The following AMD1 variants were observed in gnomAD, a reference collection of about 807,000 sequenced individuals.
AMD1 encodes S-adenosylmethionine decarboxylase proenzyme.
A neutral mutation model predicts 40.2 loss-of-function variants in AMD1; 11 were observed. That is an observed-to-expected ratio of 0.27 (90% CI 0.17 to 0.45). The LOEUF is 0.45. Among genes scored for constraint, AMD1 ranks in the 20% least tolerant of loss-of-function variants. The pLI is 1.00. For synonymous variants in AMD1, 121 were observed against 130.8 expected (o/e 0.93, Z 0.51); for missense variants, 257 against 410.2 (o/e 0.63, Z 3.23).
At chr6:110,837,745 A>AATATATATATATATATATATAT in the AMD1 span, among the ~76,000 whole-genome samples, 5 of 17,838 alleles carry the variant, frequency 2.8e-4, no homozygotes, top group Non-Finnish European at 4.8e-4. Flanking sequence ...AAAAAAAAAA[A>AATATATATATATATATATATAT]ATATATATAT....
chr6:110,865,434 C>T, the AMD1 span, among the ~76,000 whole-genome samples: 1 of 152,196 alleles, frequency 6.6e-6, no homozygotes, highest in Non-Finnish European at 1.5e-5. Context: ...CACTCTGTCA[C>T]CCAGTCTGAA....
At chr6:110,833,144 G>A in the AMD1 span, among the ~76,000 whole-genome samples, 1 of 152,116 alleles carries the variant, frequency 6.6e-6, no homozygotes, top group Non-Finnish European at 1.5e-5. Flanking sequence ...TTAACCAGAA[G>A]CAAGAATCAC....
intron 2 of AMD1, 124 bp from the exon 3 acceptor site, chr6:110,888,729 ACTTG>A: frequency 1.1e-6 from 1 of 874,198 alleles, no homozygotes; most frequent in Non-Finnish European, 1.7e-6. Context: ...ATAATGTGTT[ACTTG>A]CTTCCTTGAG....
the AMD1 span, among the ~76,000 whole-genome samples, chr6:110,834,295 C>T: frequency 2.0e-5 from 3 of 152,024 alleles, no homozygotes; most frequent in Admixed American, 6.6e-5. Flanking sequence ...ACTATGATCA[C>T]GCCACTGCAC....
At chr6:110,835,250 C>A in the AMD1 span, among the ~76,000 whole-genome samples, 3 of 151,404 alleles carry the variant, frequency 2.0e-5, no homozygotes, top group Admixed American at 2.0e-4. Context: ...AATCTCCTGA[C>A]CTCGTGATCC....
intron 1 of AMD1, among the ~76,000 whole-genome samples, chr6:110,883,899 AT>A (rs1785544712): frequency 1.3e-5 from 2 of 152,038 alleles, no homozygotes; most frequent in Admixed American, 6.6e-5. Context: ...CCAAAGCCCT[AT>A]TTTTATAGGT....
At chr6:110,857,255 C>T in the AMD1 span, among the ~76,000 whole-genome samples, 14 of 151,966 alleles carry the variant, frequency 9.2e-5, no homozygotes, top group East Asian at 2.3e-3. Context: ...TCACTATAGC[C>T]GGGCACAGTG....
chr6:110,856,004 T>C, the AMD1 span, among the ~76,000 whole-genome samples: 2 of 152,216 alleles, frequency 1.3e-5, no homozygotes, highest in South Asian at 4.1e-4. Context: ...TAATTGAGCC[T>C]GGGAGGTTGA....
At chr6:110,864,854 A>ACAGAT in the AMD1 span, among the ~76,000 whole-genome samples, 1 of 152,248 alleles carries the variant, frequency 6.6e-6, no homozygotes, top group Admixed American at 6.5e-5. Flanking sequence ...AAAATAACAC[A>ACAGAT]CAGATACCTT....
At chr6:110,814,814 A>T in the AMD1 span, 1 of 727,250 alleles carries the variant, frequency 1.4e-6, no homozygotes, top group Non-Finnish European at 2.3e-6. Context: ...CGGGAGTTCG[A>T]GGTACGCGAC....
chr6:110,850,807 A>G, the AMD1 span, among the ~76,000 whole-genome samples: 1 of 152,170 alleles, frequency 6.6e-6, no homozygotes, highest in Non-Finnish European at 1.5e-5. Context: ...ACTGAAGCCT[A>G]GACTGAGGAC....
the AMD1 span, among the ~76,000 whole-genome samples, chr6:110,863,524 C>T: frequency 0.011 from 1,726 of 151,828 alleles, 32 homozygotes; most frequent in African/African-American, 0.04. Flanking sequence ...CGTCTGCCAC[C>T]ACACCTGGCT....
chr6:110,858,706 C>T, the AMD1 span: 15 of 839,530 alleles, frequency 1.8e-5, 2 homozygotes, highest in South Asian at 1.9e-4. Flanking sequence ...ACTTCGACGA[C>T]GCCACCATGA....
At chr6:110,826,345 G>A in the AMD1 span, among the ~76,000 whole-genome samples, 1 of 151,374 alleles carries the variant, frequency 6.6e-6, no homozygotes, top group African/African-American at 2.4e-5. Flanking sequence ...ACTAAGGAAG[G>A]GTTGCCCGCC....
the AMD1 span, among the ~76,000 whole-genome samples, chr6:110,817,917 G>A: frequency 3.3e-5 from 5 of 152,126 alleles, no homozygotes; most frequent in African/African-American, 1.2e-4. Flanking sequence ...GCCTTTACTT[G>A]AAGGACAAGT....
At chr6:110,858,768 G>T in the AMD1 span, 1 of 761,374 alleles carries the variant, frequency 1.3e-6, no homozygotes, top group Non-Finnish European at 2.4e-6. Flanking sequence ...AAATGCACCA[G>T]CCAGTCGGGC....
the AMD1 span, among the ~76,000 whole-genome samples, chr6:110,823,937 G>A: frequency 1.3e-5 from 2 of 152,050 alleles, no homozygotes; most frequent in African/African-American, 4.8e-5. Context: ...AAAATAATGT[G>A]GTGAAAAGGG....
At chr6:110,833,302 A>G in the AMD1 span, among the ~76,000 whole-genome samples, 1 of 152,224 alleles carries the variant, frequency 6.6e-6, no homozygotes, top group East Asian at 1.9e-4. Context: ...TTTACCTTCT[A>G]CAATGGCCAA....
chr6:110,892,285 T>A lies in AMD1; in HGVS notation c.471-14T>A, dbSNP rs1291692599. ...AATTGTCATTTTTAGGAACTATTTTTAATTTTTATTTAGGTACTTATATAC... is the reference window on the plus strand; with the variant it reads ...AATTGTCATTTTTAGGAACTATTTTAAATTTTTATTTAGGTACTTATATAC... On this transcript the variant is annotated splice_polypyrimidine_tract_variant and intron_variant, in intron 5 of 8. Coordinates refer to ENST00000368885, the MANE Select transcript of AMD1 (RefSeq NM_001634.6). 1 of 1,613,306 alleles carries A rather than the reference T, an allele frequency of 6.2e-7. No individual in the cohort carries two copies. Among genetic ancestry groups the A allele is most frequent in the Admixed American group, 1.7e-5 (1 of 59,958 alleles).
Sources: gnomAD v4.1 joint callset for allele counts (sites outside exome capture counted in the v4.1 genomes callset) on GRCh38, gnomAD v4.1.1 for gene constraint, MANE v1.5 for transcripts, NCBI Gene and HGNC (gene_info 2026-07-23, HGNC 2026-07-21) for gene names.